The following MARCHF1 variants were observed in gnomAD, a reference collection of about 807,000 sequenced individuals.
MARCHF1 encodes the protein E3 ubiquitin-protein ligase MARCHF1.
In MARCHF1, 40 loss-of-function variants were observed where a neutral mutation model predicts 54.2. The observed-to-expected ratio is 0.74, with a 90% confidence interval of 0.57 to 0.96. The LOEUF (loss-of-function observed/expected upper bound fraction) is 0.96, where lower values mean the gene tolerates loss of function less well. Among genes scored for constraint, MARCHF1 ranks in the 40% least tolerant of loss-of-function variants. The pLI, the probability that MARCHF1 is intolerant of heterozygous loss-of-function variation, is 0.00. For missense variants in MARCHF1, 586 were observed against 656.5 expected (o/e 0.89, Z 1.17); for synonymous variants, 236 against 236.3 (o/e 1.00, Z 0.01).
intron 5 of MARCHF1, among the ~76,000 whole-genome samples, chr4:163,635,400 G>T (rs1478134951): frequency 2.0e-5 from 3 of 151,152 alleles, no homozygotes; most frequent in East Asian, 1.9e-4. Flanking sequence ...AATAAAAAAT[G>T]ATAAAGGGGA....
intron 1 of MARCHF1, among the ~76,000 whole-genome samples, chr4:164,259,406 T>C (rs776151003): frequency 6.1e-5 from 9 of 148,628 alleles, no homozygotes; most frequent in Admixed American, 1.3e-4. Flanking sequence ...AGCTGGGAGG[T>C]AGTGGTGTGC....
intron 1 of MARCHF1, among the ~76,000 whole-genome samples, chr4:164,316,601 C>T (rs1735004971): frequency 6.6e-6 from 1 of 152,152 alleles, no homozygotes; most frequent in African/African-American, 2.4e-5. Context: ...TGACAACACT[C>T]CTAAAAGAGT....
intron 1 of MARCHF1, among the ~76,000 whole-genome samples, chr4:164,115,936 C>A (rs2110749966): frequency 6.6e-6 from 1 of 151,898 alleles, no homozygotes; most frequent in East Asian, 1.9e-4. Flanking sequence ...CTAAGGAATT[C>A]CAAATTTTAA....
rs183912471 is a variant in MARCHF1, at chr4:164,268,743, A to G, written c.-323+115127T>C. 2.8e-3 allele frequency among the ~76,000 whole-genome samples: 428 copies of G among 152,306 alleles called. 2 individuals are homozygous for G. The highest frequency in any genetic ancestry group is 9.6e-3 in the African/African-American group (400 of 41,576). ...ACTATTAAAATATAAAGAATTGTCC[A>G]GAAAGATATAAAAAAAGAATCACAC... On this transcript the variant is annotated intron_variant, in intron 1 of 9. Coordinates refer to ENST00000514618, the MANE Select transcript of MARCHF1 (RefSeq NM_001394959.1).
chr4:163,669,830 C>T (rs1283069948), intron 5 of MARCHF1, among the ~76,000 whole-genome samples: 1 of 152,090 alleles, frequency 6.6e-6, no homozygotes, highest in African/African-American at 2.4e-5. Context: ...AACTTCTGAG[C>T]TCAAGCATCT....
At position 164,283,080 on chromosome 4, in the gene MARCHF1, C is replaced by T. The variant is rs556465434; in HGVS notation, c.-323+100790G>A. 1.1e-4 allele frequency among the ~76,000 whole-genome samples: 17 copies of T among 151,292 alleles called. 1 individual carries two copies. The highest frequency in any genetic ancestry group is 3.6e-4 in the African/African-American group (15 of 41,264). On this transcript the variant is annotated intron_variant, in intron 1 of 9. Transcript: ENST00000514618. ...TAACTTGATAGCTCCACCAGATTCACATGATAGTGTAGTTTTCAAAGAGCA... is the reference window on the plus strand; with the variant it reads ...TAACTTGATAGCTCCACCAGATTCATATGATAGTGTAGTTTTCAAAGAGCA...
chr4:163,899,111 C>A (rs1163672729), intron 3 of MARCHF1, among the ~76,000 whole-genome samples: 2 of 152,162 alleles, frequency 1.3e-5, no homozygotes, highest in Middle Eastern at 3.2e-3. Flanking sequence ...GAAGCTCTAT[C>A]CCCACCAGTA....
chr4:164,225,716 A>T (rs924089145), intron 1 of MARCHF1, among the ~76,000 whole-genome samples: 5 of 152,014 alleles, frequency 3.3e-5, no homozygotes, highest in African/African-American at 1.2e-4. Flanking sequence ...GAAATACCTG[A>T]AACTCTCATA....
intron 3 of MARCHF1, among the ~76,000 whole-genome samples, chr4:163,873,847 G>A (rs116158866): frequency 3.2e-3 from 483 of 152,232 alleles, no homozygotes; most frequent in African/African-American, 9.5e-3. Flanking sequence ...GTAATGCACC[G>A]CTTTTATGCG....
chr4:164,167,192 G>T (rs1426845743), intron 1 of MARCHF1, among the ~76,000 whole-genome samples: 5 of 144,452 alleles, frequency 3.5e-5, no homozygotes, highest in Non-Finnish European at 7.4e-5. Context: ...CTTACTTATG[G>T]TTCCTTCCCT....
At chr4:163,994,301 T>TGTGA (rs1453877577) in intron 2 of MARCHF1, among the ~76,000 whole-genome samples, 3 of 143,416 alleles carry the variant, frequency 2.1e-5, no homozygotes, top group South Asian at 2.2e-4. Context: ...TGTGTGTGTG[T>TGTGA]GAGTGTGGTG....
intron 1 of MARCHF1, among the ~76,000 whole-genome samples, chr4:164,303,229 C>T (rs1302341976): frequency 6.6e-6 from 1 of 152,140 alleles, no homozygotes; most frequent in Non-Finnish European, 1.5e-5. Flanking sequence ...ATCTTATGAC[C>T]TATGGAACAT....
chr4:163,772,365 A>G (rs1398742117), intron 4 of MARCHF1, among the ~76,000 whole-genome samples: 1 of 152,188 alleles, frequency 6.6e-6, no homozygotes, highest in East Asian at 1.9e-4. Flanking sequence ...CAAACTGAAC[A>G]GCCTCAAACA....
intron 2 of MARCHF1, among the ~76,000 whole-genome samples, chr4:164,064,898 T>C (rs989518725): frequency 2.0e-5 from 3 of 152,192 alleles, no homozygotes; most frequent in African/African-American, 4.8e-5. Context: ...TGCATCCTTA[T>C]TGAGGTAATC....
intron 7 of MARCHF1, 86 bp downstream of exon 7, chr4:163,612,185 T>A (rs188090382): frequency 1.4e-5 from 16 of 1,141,994 alleles, no homozygotes; most frequent in Non-Finnish European, 1.9e-5. Context: ...TGTTAAGTTT[T>A]GAGGGTAGGT....
At chr4:164,088,167 G>T (rs1270400108) in intron 2 of MARCHF1, among the ~76,000 whole-genome samples, 1 of 152,004 alleles carries the variant, frequency 6.6e-6, no homozygotes, top group Non-Finnish European at 1.5e-5. Flanking sequence ...TCCCCTCATG[G>T]ATTTACTCTC....
At chr4:163,552,776 G>A (rs1377666483) in intron 8 of MARCHF1, among the ~76,000 whole-genome samples, 1 of 152,136 alleles carries the variant, frequency 6.6e-6, no homozygotes, top group African/African-American at 2.4e-5. Flanking sequence ...GCTCAGGCCT[G>A]TAATCCCAGC....
intron 2 of MARCHF1, among the ~76,000 whole-genome samples, chr4:164,020,930 C>T (rs1394117390): frequency 2.6e-5 from 4 of 152,048 alleles, no homozygotes; most frequent in East Asian, 1.9e-4. Context: ...ATAGTGACTA[C>T]GGTTAAGGCT....
intron 1 of MARCHF1, among the ~76,000 whole-genome samples, chr4:164,173,802 C>T (rs1473936545): frequency 6.6e-6 from 1 of 152,152 alleles, no homozygotes; most frequent in African/African-American, 2.4e-5. Flanking sequence ...TTCTGTACAG[C>T]CTGCAGAATC....
Sources: gnomAD v4.1 joint callset for allele counts (sites outside exome capture counted in the v4.1 genomes callset) on GRCh38, gnomAD v4.1.1 for gene constraint, MANE v1.5 for transcripts, NCBI Gene and HGNC (gene_info 2026-07-23, HGNC 2026-07-21) for gene names.